The following LRRC4C variants were observed in gnomAD, a reference collection of about 807,000 sequenced individuals.
LRRC4C encodes leucine-rich repeat-containing protein 4C.
In LRRC4C, 5 loss-of-function variants were observed where a neutral mutation model predicts 33.6. The observed-to-expected ratio is 0.15, with a 90% CI of 0.08 to 0.31. The LOEUF (loss-of-function observed/expected upper bound fraction) is 0.31, where lower values mean the gene tolerates loss of function less well. Among genes scored for constraint, LRRC4C ranks in the 10% least tolerant of loss-of-function variants. The pLI is 1.00. For synonymous variants in LRRC4C, 329 were observed against 302.0 expected (o/e 1.09, Z -0.93); for missense variants, 560 against 796.7 (o/e 0.70, Z 3.58).
intron 2 of LRRC4C, among the ~76,000 whole-genome samples, chr11:40,803,940 T>C (rs550672893): frequency 6.6e-4 from 101 of 152,350 alleles, no homozygotes; most frequent in African/African-American, 2.3e-3. Context: ...CTTTTTTAGA[T>C]ATTTTTAAAT....
At chr11:41,350,609 C>T (rs1951950453) in intron 1 of LRRC4C, among the ~76,000 whole-genome samples, 1 of 151,742 alleles carries the variant, frequency 6.6e-6, no homozygotes, top group African/African-American at 2.4e-5. Flanking sequence ...ATCACATGGG[C>T]ATCTCAGCAA....
intron 5 of LRRC4C, among the ~76,000 whole-genome samples, chr11:40,211,028 C>T (rs539843555): frequency 5.9e-5 from 9 of 152,116 alleles, no homozygotes; most frequent in South Asian, 2.1e-4. Context: ...CTGCCTGCCT[C>T]GGCCTCCCAA....
intron 2 of LRRC4C, among the ~76,000 whole-genome samples, chr11:40,792,353 T>C (rs1950662113): frequency 6.6e-6 from 1 of 152,140 alleles, no homozygotes; most frequent in South Asian, 2.1e-4. Context: ...CAGACTGGTG[T>C]AAAAAGAAGT....
At position 41,314,451 on chromosome 11, in the gene LRRC4C, G is replaced by T. The variant is rs117016686; in HGVS notation, c.-496+144980C>A. On this transcript the variant is annotated intron_variant, in intron 1 of 6. Transcript: ENST00000528697. ...GATAATTGTCAGTTTTATAGAAAGA[G>T]AATTTAAGTGTATAATAATAATGCT... Among the ~76,000 whole-genome samples the T allele has an allele frequency of 1.6e-4, 24 of 152,280 alleles. No individual in the cohort carries two copies. The East Asian group carries it at 4.2e-3, about 27-fold the overall frequency.
At chr11:40,264,993 T>C (rs963956700) in intron 4 of LRRC4C, among the ~76,000 whole-genome samples, 1 of 152,230 alleles carries the variant, frequency 6.6e-6, no homozygotes, top group African/African-American at 2.4e-5. Context: ...AGGTCTCTCA[T>C]ATTTAAAAAA....
chr11:41,386,643 T>A (rs1400447220), intron 1 of LRRC4C, among the ~76,000 whole-genome samples: 1 of 151,788 alleles, frequency 6.6e-6, no homozygotes, highest in African/African-American at 2.4e-5. Flanking sequence ...CATGTGCTAG[T>A]CTTAATCTTC....
intron 1 of LRRC4C, among the ~76,000 whole-genome samples, chr11:41,260,100 G>A (rs1347941629): frequency 6.6e-6 from 1 of 151,888 alleles, no homozygotes; most frequent in Non-Finnish European, 1.5e-5. Context: ...GAAAGAATTA[G>A]GACTTTTTCA....
intron 3 of LRRC4C, among the ~76,000 whole-genome samples, chr11:40,427,571 T>C (rs890921425): frequency 2.0e-5 from 3 of 152,166 alleles, no homozygotes; most frequent in East Asian, 3.9e-4. Context: ...CTCTCGCCTG[T>C]AATCCCAGCA....
chr11:40,775,215 C>T (rs1253675881), intron 2 of LRRC4C, among the ~76,000 whole-genome samples: 1 of 151,946 alleles, frequency 6.6e-6, no homozygotes, highest in Non-Finnish European at 1.5e-5. Flanking sequence ...TCGAGACCAT[C>T]CTGGCTAACA....
At chr11:40,161,322 TGA>T (rs1190106555) in intron 5 of LRRC4C, among the ~76,000 whole-genome samples, 1 of 152,214 alleles carries the variant, frequency 6.6e-6, no homozygotes, top group Admixed American at 6.5e-5. Flanking sequence ...AATGTTTACT[TGA>T]GACTAGGCCT....
At chr11:41,319,821 G>C (rs1392533001) in intron 1 of LRRC4C, among the ~76,000 whole-genome samples, 1 of 152,124 alleles carries the variant, frequency 6.6e-6, no homozygotes, top group East Asian at 1.9e-4. Flanking sequence ...AAAGTGCTGG[G>C]ATTACAGACA....
At chr11:40,959,573 C>T (rs752662058) in intron 1 of LRRC4C, among the ~76,000 whole-genome samples, 9 of 151,678 alleles carry the variant, frequency 5.9e-5, no homozygotes, top group Non-Finnish European at 1.2e-4. Context: ...ACATGTAAGA[C>T]TTTATACTAA....
At chr11:40,151,556 C>A (rs1012149355) in intron 5 of LRRC4C, among the ~76,000 whole-genome samples, 1 of 152,096 alleles carries the variant, frequency 6.6e-6, no homozygotes, top group African/African-American at 2.4e-5. Context: ...CTTGCTAGTA[C>A]GAAATTCTGA....
At chr11:40,502,220 C>G (rs1438624005) in intron 3 of LRRC4C, among the ~76,000 whole-genome samples, 1 of 152,184 alleles carries the variant, frequency 6.6e-6, no homozygotes, top group East Asian at 1.9e-4. Flanking sequence ...CTAGGAAGTT[C>G]CAAATTTTCC....
chr11:40,945,026 T>TC (rs1488427390), intron 1 of LRRC4C, among the ~76,000 whole-genome samples: 329 of 144,446 alleles, frequency 2.3e-3, no homozygotes, highest in African/African-American at 7.2e-3. Context: ...AGTTTTTCTT[T>TC]TTTTTTTTTT....
intron 5 of LRRC4C, among the ~76,000 whole-genome samples, chr11:40,168,911 AG>A (rs1314997194): frequency 6.6e-6 from 1 of 152,216 alleles, no homozygotes; most frequent in African/African-American, 2.4e-5. Flanking sequence ...TTTAATGAAA[AG>A]CCATCGCCTT....
chr11:41,108,249 G>A (rs573766557), intron 1 of LRRC4C, among the ~76,000 whole-genome samples: 1 of 151,918 alleles, frequency 6.6e-6, no homozygotes, highest in Non-Finnish European at 1.5e-5. Context: ...ATACATGCAG[G>A]CAGATGTCCA....
At chr11:40,381,567 A>G (rs1456426471) in intron 3 of LRRC4C, among the ~76,000 whole-genome samples, 1 of 152,168 alleles carries the variant, frequency 6.6e-6, no homozygotes, top group Non-Finnish European at 1.5e-5. Context: ...ATTGAAAGTA[A>G]GCAACTGTCA....
intron 1 of LRRC4C, among the ~76,000 whole-genome samples, chr11:41,214,954 T>C (rs1452455890): frequency 6.8e-6 from 1 of 147,140 alleles, no homozygotes; most frequent in Non-Finnish European, 1.5e-5. Flanking sequence ...GATGAATTGT[T>C]TAGTCATAAT....
Sources: gnomAD v4.1 joint callset for allele counts (sites outside exome capture counted in the v4.1 genomes callset) on GRCh38, gnomAD v4.1.1 for gene constraint, MANE v1.5 for transcripts, NCBI Gene and HGNC (gene_info 2026-07-23, HGNC 2026-07-21) for gene names.